Variants in CUX1 observed in about 807,000 individuals in gnomAD.
The protein encoded by CUX1 is protein CASP.
In CUX1, 31 loss-of-function variants were observed where a neutral mutation model predicts 158.8. The observed-to-expected ratio is 0.20, with a 90% CI of 0.15 to 0.26. The LOEUF (loss-of-function observed/expected upper bound fraction) is 0.26. CUX1 is among the 10% of genes least tolerant of loss of function. The pLI is 1.00. For missense variants in CUX1, 1,589 were observed against 2,014.6 expected (o/e 0.79, Z 4.04); for synonymous variants, 879 against 862.1 (o/e 1.02, Z -0.34).
intron 3 of CUX1, among the ~76,000 whole-genome samples, chr7:102,041,358 G>T (rs544967443): frequency 7.2e-6 from 1 of 139,672 alleles, no homozygotes; most frequent in Non-Finnish European, 1.5e-5. Flanking sequence ...GGGTTCAAGC[G>T]ATTCTCCTGC....
intron 1 of CUX1, among the ~76,000 whole-genome samples, chr7:101,889,525 C>G (rs1229300186): frequency 1.3e-5 from 2 of 152,186 alleles, no homozygotes; most frequent in Non-Finnish European, 2.9e-5. Context: ...CATCCCAACA[C>G]TTTGGGAGGC....
At chr7:102,224,301 C>A (rs967457981) in intron 20 of CUX1, among the ~76,000 whole-genome samples, 1 of 152,122 alleles carries the variant, frequency 6.6e-6, no homozygotes, top group South Asian at 2.1e-4. Context: ...CCGCCTCCCC[C>A]ATTCAAGCCA....
At chr7:102,178,378 G>A (rs1023228400) in intron 10 of CUX1, 91 bp from the exon 11 acceptor site, 16 of 1,259,664 alleles carry the variant, frequency 1.3e-5, no homozygotes, top group African/African-American at 1.5e-5. Context: ...ACTGACATCT[G>A]TGCAGCTTCT....
chr7:102,159,722 G>A (rs568414901), intron 9 of CUX1, among the ~76,000 whole-genome samples: 15 of 151,966 alleles, frequency 9.9e-5, no homozygotes, highest in Admixed American at 2.0e-4. Context: ...TTAGCAAGGC[G>A]TGGTGGCAGG....
intron 20 of CUX1, among the ~76,000 whole-genome samples, chr7:102,205,888 C>T (rs975444966): frequency 1.3e-4 from 20 of 152,288 alleles, no homozygotes; most frequent in Non-Finnish European, 2.4e-4. Flanking sequence ...TGCGCCCCCC[C>T]GCCTCCCTTC....
chr7:102,008,474 CG>C (rs1391789558), intron 2 of CUX1, among the ~76,000 whole-genome samples: 1 of 152,086 alleles, frequency 6.6e-6, no homozygotes, highest in African/African-American at 2.4e-5. Flanking sequence ...GCCTGTCTTT[CG>C]GCACATTTCA....
chr7:102,125,335 C>T (rs1832512088), intron 8 of CUX1, among the ~76,000 whole-genome samples: 1 of 152,126 alleles, frequency 6.6e-6, no homozygotes, highest in Non-Finnish European at 1.5e-5. Context: ...GCAGGCGCCA[C>T]CCAGCCTTCA....
At chr7:101,947,815 T>C (rs1808581185) in intron 2 of CUX1, among the ~76,000 whole-genome samples, 1 of 152,266 alleles carries the variant, frequency 6.6e-6, no homozygotes, top group East Asian at 1.9e-4. Flanking sequence ...CCACTGGCAA[T>C]GTGGAAAGGA....
chr7:102,093,438 C>T (rs1256740298), intron 4 of CUX1, among the ~76,000 whole-genome samples: 1 of 152,132 alleles, frequency 6.6e-6, no homozygotes, highest in Non-Finnish European at 1.5e-5. Flanking sequence ...GTTCCCTCCT[C>T]GGCCTCCCAA....
chr7:102,248,268 C>A lies in CUX1; in HGVS notation c.3888-144C>A. The A allele has an allele frequency of 2.8e-6, 2 of 716,218 alleles. No homozygotes were observed. The highest frequency in any genetic ancestry group is 4.3e-6 in the Non-Finnish European group (2 of 461,796). 44.4% of individuals were successfully genotyped at this position (716,218 alleles called of 1,614,324 possible). ...ACTCTGGAGAGGGGCTGCCCCGTGG[C>A]CCGAGGGTCGCTGGAGGGGCACGGA... On this transcript the variant is annotated intron_variant, in intron 23 of 23. Coordinates refer to ENST00000292535, the MANE Select transcript of CUX1 (RefSeq NM_181552.4). The surrounding 1 kb of genome is among the most constrained non-coding windows in gnomAD (Gnocchi z 5.8).
exon 23 of CUX1, chr7:102,283,213 A>G: frequency 1.3e-6 from 1 of 793,088 alleles, no homozygotes; most frequent in Non-Finnish European, 2.2e-6. Context: ...GCTGTCCAGC[A>G]GCTGCCAGAG....
At chr7:101,898,204 T>TCTAA (rs1198465332) in intron 1 of CUX1, among the ~76,000 whole-genome samples, 12 of 152,150 alleles carry the variant, frequency 7.9e-5, no homozygotes, top group African/African-American at 2.9e-4. Flanking sequence ...GGTAACTGGA[T>TCTAA]CTAAGTCTCA....
Position 102,248,455 on chromosome 7 carries a change from G to C in CUX1, c.3931G>C (p.Gly1311Arg). Residue 1311 changes from glycine (G) to arginine (R), a missense_variant, in exon 24 of 24, where the codon GGG becomes CGG. Physicochemically the swap from Gly to Arg is moderately radical, Grantham distance 125. Around this residue, in one of 8 missense-constraint regions of CUX1, gnomAD observed 344 missense variants for 323.7 expected, o/e 1.06. Coordinates refer to ENST00000292535, the MANE Select transcript of CUX1 (RefSeq NM_181552.4). This position sits in a 1 kb window ranked among gnomAD's most constrained non-coding sequence, Gnocchi z 5.8. Reference sequence around the variant, plus strand: ...ACTGTTCATTGAGGAAATTCAGGCCGGGAGTCAGGGCCAGGCGGGCGCCAG... The same window carrying C: ...ACTGTTCATTGAGGAAATTCAGGCCCGGAGTCAGGGCCAGGCGGGCGCCAG... ...RELFIEEIQAGSQGQAGASDS... is the reference protein window; with the variant it reads ...RELFIEEIQARSQGQAGASDS... 1 of 1,598,934 alleles carries C rather than the reference G, an allele frequency of 6.3e-7. No individual in the cohort carries two copies. Among genetic ancestry groups the C allele is most frequent in the Non-Finnish European group, 8.5e-7 (1 of 1,176,190 alleles).
chr7:102,081,133 T>C (rs747536136), intron 4 of CUX1, among the ~76,000 whole-genome samples: 1 of 152,232 alleles, frequency 6.6e-6, no homozygotes, highest in Non-Finnish European at 1.5e-5. Context: ...TGTGGCCTTC[T>C]CCTCTTCCTC....
chr7:101,956,238 C>T (rs1809774128), intron 2 of CUX1, among the ~76,000 whole-genome samples: 3 of 151,486 alleles, frequency 2.0e-5, no homozygotes, highest in Admixed American at 1.3e-4. Context: ...ATGAAATGCA[C>T]GCGCCCTCAT....
intron 4 of CUX1, among the ~76,000 whole-genome samples, chr7:102,077,046 A>AG (rs202133656): frequency 0.042 from 6,336 of 150,938 alleles, 450 homozygotes; most frequent in African/African-American, 0.15. Flanking sequence ...TAAAAAAAAA[A>AG]AAAAATTAGA....
upstream of CUX1, chr7:101,816,154 T>G: frequency 1.0e-6 from 1 of 964,346 alleles, no homozygotes; most frequent in Non-Finnish European, 1.3e-6. Flanking sequence ...GGTCGCGGCC[T>G]CCGCCGGGGG....
chr7:102,206,326 C>T (rs959728554), intron 20 of CUX1, among the ~76,000 whole-genome samples: 2 of 152,136 alleles, frequency 1.3e-5, no homozygotes, highest in Non-Finnish European at 2.9e-5. Context: ...CTAGGTGGAG[C>T]GGGTGCCCAT....
chr7:102,133,403 C>T (rs1215084562), intron 8 of CUX1, among the ~76,000 whole-genome samples: 4 of 149,560 alleles, frequency 2.7e-5, no homozygotes, highest in African/African-American at 9.9e-5. Flanking sequence ...TCTAGGGGCT[C>T]TTCATGTGGG....
Sources: gnomAD v4.1 joint callset for allele counts (sites outside exome capture counted in the v4.1 genomes callset) on GRCh38, gnomAD v4.1.1 for gene constraint, gnomAD v4.1.1 regional missense constraint, Gnocchi (gnomAD v3.1) non-coding constraint, MANE v1.5 for transcripts, NCBI Gene and HGNC (gene_info 2026-07-23, HGNC 2026-07-21) for gene names.